Variants in CHST11 observed in about 807,000 individuals in gnomAD.
CHST11 encodes carbohydrate sulfotransferase 11.
A neutral mutation model predicts 30.4 loss-of-function variants in CHST11; 9 were observed. The ratio of observed to expected loss-of-function variants is 0.30; its 90% CI spans 0.18 to 0.52. The LOEUF (loss-of-function observed/expected upper bound fraction) is 0.52. Among genes scored for constraint, CHST11 ranks in the 20% least tolerant of loss-of-function variants. CHST11 has a pLI of 0.97. For missense variants in CHST11, 348 were observed against 460.6 expected (o/e 0.76, Z 2.24); for synonymous variants, 152 against 187.8 (o/e 0.81, Z 1.56).
At position 104,750,734 on chromosome 12, in the gene CHST11, G is replaced by A. The variant is rs569531193; in HGVS notation, c.205-6215G>A. Among the ~76,000 whole-genome samples, 37 of 152,074 alleles carry A rather than the reference G, an allele frequency of 2.4e-4. 1 individual carries two copies. The South Asian group carries it at 6.4e-3, about 26-fold the overall frequency. Reference sequence around the variant, plus strand: ...GTTGGGATTACAGATGTGAGCCACCGTGCCTGGCTTGTGCACATTTTAGTA... The same window carrying A: ...GTTGGGATTACAGATGTGAGCCACCATGCCTGGCTTGTGCACATTTTAGTA... On this transcript the variant is annotated intron_variant, in intron 2 of 2. Transcript: ENST00000303694.
chr12:104,512,492 G>A (rs1158933598), intron 1 of CHST11, among the ~76,000 whole-genome samples: 1 of 152,186 alleles, frequency 6.6e-6, no homozygotes, highest in African/African-American at 2.4e-5. Flanking sequence ...TAGAGTTGGG[G>A]TGATTGTGTG....
In CHST11 at chr12:104,603,455, G is replaced by A. The variant is rs75097577; in HGVS notation, c.204+1464G>A. On this transcript the variant is annotated intron_variant, in intron 2 of 2. Transcript: ENST00000303694. ...TGTGGATGGAAGGTCCATGGACTGCGTCTGTCCTGTTCACTGTTGGCTCCT... is the reference window on the plus strand; with the variant it reads ...TGTGGATGGAAGGTCCATGGACTGCATCTGTCCTGTTCACTGTTGGCTCCT... 5.7e-4 allele frequency among the ~76,000 whole-genome samples: 87 copies of A among 152,328 alleles called. 1 individual carries two copies. The highest frequency in any genetic ancestry group is 1.9e-3 in the African/African-American group (79 of 41,578).
At chr12:104,496,065 CT>C (rs2037795000) in intron 1 of CHST11, among the ~76,000 whole-genome samples, 1 of 152,210 alleles carries the variant, frequency 6.6e-6, no homozygotes, top group South Asian at 2.1e-4. Context: ...AAGCCCTGGG[CT>C]TGTAAAATAC....
At chr12:104,737,707 G>T (rs954965044) in intron 2 of CHST11, among the ~76,000 whole-genome samples, 2 of 152,212 alleles carry the variant, frequency 1.3e-5, no homozygotes, top group Non-Finnish European at 2.9e-5. Context: ...TTGAGCGCCT[G>T]TGGTTTTGAT....
chr12:104,699,190 A>G (rs1406465749), intron 2 of CHST11, among the ~76,000 whole-genome samples: 2 of 152,308 alleles, frequency 1.3e-5, no homozygotes, highest in South Asian at 2.1e-4. Flanking sequence ...TGTTCCCCAC[A>G]TGATTCTAAC....
At chr12:104,662,805 G>C (rs1370599991) in intron 2 of CHST11, among the ~76,000 whole-genome samples, 1 of 152,128 alleles carries the variant, frequency 6.6e-6, no homozygotes, top group African/African-American at 2.4e-5. Flanking sequence ...TGCTGTTTGA[G>C]CTTTTAATTG....
intron 1 of CHST11, among the ~76,000 whole-genome samples, chr12:104,590,440 G>C (rs192801878): frequency 9.3e-4 from 142 of 152,324 alleles, no homozygotes; most frequent in Non-Finnish European, 1.1e-3. Flanking sequence ...TTTTGGGAAA[G>C]GCACTTCCAT....
At position 104,696,374 on chromosome 12, in the gene CHST11, C is replaced by T. The variant is rs117272872; in HGVS notation, c.205-60575C>T. ...CATCAGGGTCAGGCACGGTGGCTCACGCCTGTAATCGCAGCACTTTGGGAG... is the reference window on the plus strand; with the variant it reads ...CATCAGGGTCAGGCACGGTGGCTCATGCCTGTAATCGCAGCACTTTGGGAG... On this transcript the variant is annotated intron_variant, in intron 2 of 2. Transcript: ENST00000303694. Among the ~76,000 whole-genome samples, 237 of 151,154 alleles carry T rather than the reference C, an allele frequency of 1.6e-3. 2 individuals carry two copies. The highest frequency in any genetic ancestry group is 6.9e-3 in the Middle Eastern group (2 of 290).
intron 1 of CHST11, among the ~76,000 whole-genome samples, chr12:104,521,467 C>T (rs576566753): frequency 5.3e-5 from 8 of 152,188 alleles, no homozygotes; most frequent in African/African-American, 1.4e-4. Context: ...AAGATGATGT[C>T]GTTTTACGTC....
At chr12:104,584,029 A>G (rs890004101) in intron 1 of CHST11, among the ~76,000 whole-genome samples, 9 of 151,872 alleles carry the variant, frequency 5.9e-5, no homozygotes, top group Non-Finnish European at 1.3e-4. Context: ...TCCCTTGAGT[A>G]AAAATATTCA....
chr12:104,724,457 G>A (rs2040201982), intron 2 of CHST11, among the ~76,000 whole-genome samples: 1 of 152,118 alleles, frequency 6.6e-6, no homozygotes, highest in Non-Finnish European at 1.5e-5. Flanking sequence ...ATTTTGTGTT[G>A]TGTATATTTC....
chr12:104,648,971 A>T (rs2039464562), intron 2 of CHST11, among the ~76,000 whole-genome samples: 1 of 152,064 alleles, frequency 6.6e-6, no homozygotes, highest in South Asian at 2.1e-4. Flanking sequence ...ATACACCCTT[A>T]CTCCAATCAA....
At chr12:104,742,680 A>G (rs1259890217) in intron 2 of CHST11, among the ~76,000 whole-genome samples, 1 of 152,154 alleles carries the variant, frequency 6.6e-6, no homozygotes, top group Non-Finnish European at 1.5e-5. Flanking sequence ...AGATGTCAAT[A>G]AGGCCCTTCC....
At chr12:104,656,333 A>G (rs1195456184) in intron 2 of CHST11, among the ~76,000 whole-genome samples, 1 of 151,996 alleles carries the variant, frequency 6.6e-6, no homozygotes, top group African/African-American at 2.4e-5. Flanking sequence ...TTCATTTTCT[A>G]TCTTTTTTCC....
intron 1 of CHST11, among the ~76,000 whole-genome samples, chr12:104,488,012 A>G (rs1364030464): frequency 6.6e-6 from 1 of 151,872 alleles, no homozygotes; most frequent in Non-Finnish European, 1.5e-5. Flanking sequence ...GGGCTCAAGC[A>G]ATCCCCCTGC....
chr12:104,557,929 G>A (rs1223490360), intron 1 of CHST11, among the ~76,000 whole-genome samples: 1 of 152,014 alleles, frequency 6.6e-6, no homozygotes, highest in Non-Finnish European at 1.5e-5. Context: ...ATAGAGGCAG[G>A]AAAGCAGGGG....
At chr12:104,753,937 C>CATAGGCAAGGAAA (rs1305120834) in intron 2 of CHST11, among the ~76,000 whole-genome samples, 70 of 152,358 alleles carry the variant, frequency 4.6e-4, no homozygotes, top group African/African-American at 1.2e-3. Flanking sequence ...GAAACAAAGG[C>CATAGGCAAGGAAA]CAAGAAAGGC....
At chr12:104,713,887 C>G (rs7297643) in intron 2 of CHST11, among the ~76,000 whole-genome samples, 52,901 of 152,008 alleles carry the variant, frequency 0.35, 9,303 homozygotes, top group East Asian at 0.4. Flanking sequence ...GAGATACGTT[C>G]GTTGCATTTT....
At chr12:104,670,468 G>GGC (rs2039680464) in intron 2 of CHST11, among the ~76,000 whole-genome samples, 3 of 46,226 alleles carry the variant, frequency 6.5e-5, no homozygotes, top group Non-Finnish European at 1.1e-4. Flanking sequence ...CATATGTTCA[G>GGC]ACCCACACAC....
Sources: allele counts gnomAD v4.1 joint callset (sites outside exome capture counted in the v4.1 genomes callset), GRCh38; gene constraint gnomAD v4.1.1; transcripts MANE v1.5; gene names NCBI Gene and HGNC (gene_info 2026-07-23, HGNC 2026-07-21).